Variants in NDUFA9 observed in about 807,000 individuals in gnomAD.
The protein encoded by NDUFA9 is NADH:ubiquinone oxidoreductase subunit A9.
A neutral mutation model predicts 45.9 loss-of-function variants in NDUFA9; 23 were observed. The ratio of observed to expected loss-of-function variants is 0.50; its 90% CI spans 0.36 to 0.71. The LOEUF is 0.71. Among genes scored for constraint, NDUFA9 ranks in the 30% least tolerant of loss-of-function variants. The probability of loss-of-function intolerance (pLI) is 0.00; values close to 1 mark genes in which losing one functional copy is unlikely to be tolerated. For missense variants in NDUFA9, 466 were observed against 488.2 expected (o/e 0.95, Z 0.43); for synonymous variants, 176 against 170.5 (o/e 1.03, Z -0.25).
At chr12:4,654,239 T>TA in intron 1 of NDUFA9, 53 bp from the exon 2 acceptor site, 1 of 1,524,784 alleles carries the variant, frequency 6.6e-7, no homozygotes, top group Non-Finnish European at 8.9e-7. Context: ...GTGTTGACAG[T>TA]TTTAAAAATA....
intron 6 of NDUFA9, 56 bp downstream of exon 6, chr12:4,662,691 C>A: frequency 7.3e-7 from 1 of 1,377,668 alleles, no homozygotes; most frequent in Non-Finnish European, 1.0e-6. Context: ...CAAGTTGAAG[C>A]TGCTCAAGCT....
In NDUFA9 at chr12:4,689,454, G is replaced by C. The variant is rs111443474; in HGVS notation, c.*2346G>C. The C allele has an allele frequency of 6.5e-6, 1 of 153,442 alleles. No homozygotes were observed. Among genetic ancestry groups the C allele is most frequent in the East Asian group, 1.9e-4 (1 of 5,228 alleles). 9.5% of individuals were successfully genotyped at this position (153,442 alleles called of 1,614,324 possible). A position where few individuals can be genotyped will look rare whatever the true frequency, so the allele number is the denominator to read the frequency against. ...TAGGCAGAGGACCCTGCGGCCTTCC[G>C]CAGTGTTTGTGTCCCTGGGTACTTG... On this transcript the variant is annotated 3_prime_UTR_variant, in exon 11 of 11. Coordinates refer to ENST00000266544, the MANE Select transcript of NDUFA9 (RefSeq NM_005002.5).
chr12:4,650,912 G>A, intron 1 of NDUFA9, among the ~76,000 whole-genome samples: 1 of 152,156 alleles, frequency 6.6e-6, no homozygotes, highest in East Asian at 1.9e-4. Context: ...ATCAGACAAT[G>A]GAGACCTTTG....
At chr12:4,686,909 ATT>A (rs1945989980) in intron 10 of NDUFA9, 27 bp from the exon 11 acceptor site, 3 of 1,605,632 alleles carry the variant, frequency 1.9e-6, no homozygotes, top group Non-Finnish European at 2.6e-6. Flanking sequence ...AGTTTTCAGC[ATT>A]GTCTGTGGTC....
chr12:4,679,496 TTAAAA>T (rs1945940235), intron 8 of NDUFA9, among the ~76,000 whole-genome samples: 1 of 152,190 alleles, frequency 6.6e-6, no homozygotes. Context: ...AGCAAAATAA[TTAAAA>T]TAAATGACCG....
chr12:4,674,765 A>T (rs1323393180), intron 8 of NDUFA9, among the ~76,000 whole-genome samples: 1 of 152,194 alleles, frequency 6.6e-6, no homozygotes, highest in Non-Finnish European at 1.5e-5. Flanking sequence ...GATCAACGAG[A>T]CAGAAAATTA....
chr12:4,669,916 T>C, intron 8 of NDUFA9, 99 bp downstream of exon 8: 1 of 897,162 alleles, frequency 1.1e-6, no homozygotes, highest in Non-Finnish European at 1.8e-6. Context: ...ACTTTTACAA[T>C]ATCAAAATCT....
rs1258761020 is a variant in NDUFA9, at chr12:4,688,806, G to GT, written c.*1704dup. On this transcript the variant is annotated 3_prime_UTR_variant, in exon 11 of 11. Transcript: ENST00000266544. Reference sequence around the variant, plus strand: ...GAAAGGAACACAAACCCAACTTCACGTTTTTTCTTCAGATGCTGTCTGTTA... The same window carrying GT: ...GAAAGGAACACAAACCCAACTTCACGTTTTTTTCTTCAGATGCTGTCTGTTA... 6.6e-6 allele frequency: 1 copy of GT among 152,152 alleles called. No homozygotes were observed. Among genetic ancestry groups the GT allele is most frequent in the Non-Finnish European group, 1.5e-5 (1 of 68,020 alleles). 9.4% of individuals were successfully genotyped at this position (152,152 alleles called of 1,614,324 possible).
Position 4,659,203 on chromosome 12 carries a change from TG to T in NDUFA9, c.552+28del, listed in dbSNP as rs991523484. On this transcript the variant is annotated intron_variant, in intron 5 of 10. Transcript: ENST00000266544. ...GTAAGTAACAAATTGATCTGGGAAG[TG>T]GTTCACAGAGCCAGAGTTTCTTGGG... 4 of 1,592,706 alleles carry T rather than the reference TG, an allele frequency of 2.5e-6. No individual in the cohort carries two copies. The African/African-American group carries it at 5.4e-5, about 21-fold the overall frequency.
At chr12:4,672,236 G>A (rs565863894) in intron 8 of NDUFA9, among the ~76,000 whole-genome samples, 6 of 152,318 alleles carry the variant, frequency 3.9e-5, no homozygotes, top group African/African-American at 9.6e-5. Context: ...TTTGCAATCC[G>A]CAGACCAGGA....
At chr12:4,672,278 C>T (rs779475570) in intron 8 of NDUFA9, among the ~76,000 whole-genome samples, 6 of 152,212 alleles carry the variant, frequency 3.9e-5, no homozygotes, top group African/African-American at 1.4e-4. Context: ...CACCAGGGCC[C>T]TGGTTTTCCA....
intron 8 of NDUFA9, among the ~76,000 whole-genome samples, chr12:4,671,733 A>G (rs1945888282): frequency 6.6e-6 from 1 of 152,210 alleles, no homozygotes; most frequent in South Asian, 2.1e-4. Context: ...TGAATTAACC[A>G]GAATTGATAG....
intron 5 of NDUFA9, among the ~76,000 whole-genome samples, chr12:4,662,110 A>G (rs1322205567): frequency 6.6e-6 from 1 of 152,236 alleles, no homozygotes; most frequent in Non-Finnish European, 1.5e-5. Context: ...TAGTGACTCT[A>G]TCCCCAACCT....
At chr12:4,670,538 A>G (rs1471398527) in intron 8 of NDUFA9, among the ~76,000 whole-genome samples, 1 of 152,242 alleles carries the variant, frequency 6.6e-6, no homozygotes. Context: ...AGCCTAATTC[A>G]TAAGAAATGT....
At position 4,657,854 on chromosome 12, in the gene NDUFA9, CTT is replaced by C. The variant is rs766403763; in HGVS notation, c.410+16_410+17del. 12 of 1,581,448 alleles carry C rather than the reference CTT, an allele frequency of 7.6e-6. No homozygotes were observed. The highest frequency in any genetic ancestry group is 8.7e-6 in the Non-Finnish European group (10 of 1,150,610). ...TGGGAAACCAAGTAAGTCTTTGACT[CTT>C]GTTTCTTCTTTGCTTAAGTCTTTCT... On this transcript the variant is annotated intron_variant, in intron 4 of 10. Transcript: ENST00000266544.
chr12:4,669,942 T>G (rs1945876384), intron 8 of NDUFA9, 125 bp downstream of exon 8: 1 of 716,790 alleles, frequency 1.4e-6, no homozygotes, highest in Admixed American at 2.4e-5. Context: ...TTGCTTGCAT[T>G]AAATCAGAAT....
intron 6 of NDUFA9, 37 bp downstream of exon 6, chr12:4,662,672 C>A: frequency 6.7e-7 from 1 of 1,500,010 alleles, no homozygotes; most frequent in Non-Finnish European, 9.3e-7. Context: ...GAGAGGGATA[C>A]TGATTAACCA....
intron 6 of NDUFA9, among the ~76,000 whole-genome samples, chr12:4,666,985 T>C (rs1945856741): frequency 1.3e-5 from 2 of 152,192 alleles, no homozygotes; most frequent in South Asian, 4.1e-4. Flanking sequence ...GACATATGTC[T>C]TAGTCCATTT....
chr12:4,654,515 C>A, intron 2 of NDUFA9, 53 bp downstream of exon 2: 1 of 1,574,766 alleles, frequency 6.4e-7, no homozygotes, highest in South Asian at 1.1e-5. Flanking sequence ...TCAGGATTGC[C>A]TGATGAGAAG....
Sources: gnomAD v4.1 joint callset for allele counts (sites outside exome capture counted in the v4.1 genomes callset) on GRCh38, gnomAD v4.1.1 for gene constraint, MANE v1.5 for transcripts, NCBI Gene and HGNC (gene_info 2026-07-23, HGNC 2026-07-21) for gene names.